The following COLGALT2 variants were observed in gnomAD, a reference collection of about 807,000 sequenced individuals.
The protein encoded by COLGALT2 is procollagen galactosyltransferase 2.
In COLGALT2, 49 loss-of-function variants were observed where a neutral mutation model predicts 73.4. That is an observed-to-expected ratio of 0.67 (90% CI 0.53 to 0.85). The LOEUF (loss-of-function observed/expected upper bound fraction) is 0.85, where lower values mean the gene tolerates loss of function less well. Among genes scored for constraint, COLGALT2 ranks in the 40% least tolerant of loss-of-function variants. The pLI is 0.00. For synonymous variants in COLGALT2, 295 were observed against 307.6 expected (o/e 0.96, Z 0.43); for missense variants, 722 against 790.2 (o/e 0.91, Z 1.03).
At chr1:183,941,809 C>A (rs78283206) in intron 10 of COLGALT2, among the ~76,000 whole-genome samples, 1 of 152,164 alleles carries the variant, frequency 6.6e-6, no homozygotes, top group East Asian at 1.9e-4. Context: ...AAACTCTTAT[C>A]GAGCACTTGA....
intron 7 of COLGALT2, among the ~76,000 whole-genome samples, chr1:183,951,898 G>A (rs1558312313): frequency 6.6e-6 from 1 of 152,152 alleles, no homozygotes; most frequent in African/African-American, 2.4e-5. Context: ...GCTGTCCTGA[G>A]CAAAAAGAAC....
At chr1:184,028,065 T>C (rs1013080346) in intron 1 of COLGALT2, among the ~76,000 whole-genome samples, 2 of 152,174 alleles carry the variant, frequency 1.3e-5, no homozygotes, top group Non-Finnish European at 2.9e-5. Flanking sequence ...CTTTCCACTA[T>C]CTTGGCGGGT....
At chr1:184,032,494 A>T (rs1649544535) in intron 1 of COLGALT2, among the ~76,000 whole-genome samples, 1 of 152,228 alleles carries the variant, frequency 6.6e-6, no homozygotes, top group Admixed American at 6.5e-5. Context: ...GCCCACAATC[A>T]CACAGAAGAT....
chr1:183,993,757 A>T (rs1428698485), intron 1 of COLGALT2, among the ~76,000 whole-genome samples: 5 of 152,162 alleles, frequency 3.3e-5, no homozygotes, highest in African/African-American at 1.2e-4. Context: ...CTAATTTTTC[A>T]ATTGCCTCTG....
chr1:184,023,576 A>T (rs146647277), intron 1 of COLGALT2, among the ~76,000 whole-genome samples: 13 of 145,862 alleles, frequency 8.9e-5, no homozygotes, highest in Non-Finnish European at 1.8e-4. Context: ...ACAAACACAC[A>T]TATCGTTTCC....
intron 2 of COLGALT2, among the ~76,000 whole-genome samples, chr1:183,977,812 A>AGAGAGAGAGAGAGAGAGAG (rs1553317022): frequency 3.4e-4 from 18 of 52,288 alleles, no homozygotes; most frequent in African/African-American, 6.9e-4. Context: ...GAAAGAGAGA[A>AGAGAGAGAGAGAGAGAGAG]AGAGAGAGAG....
intron 1 of COLGALT2, among the ~76,000 whole-genome samples, chr1:184,014,346 C>G (rs1202960969): frequency 6.6e-6 from 1 of 152,124 alleles, no homozygotes; most frequent in Non-Finnish European, 1.5e-5. Context: ...AAAAAGGAAA[C>G]TGGTCCACAT....
chr1:183,965,813 T>C (rs907461448), intron 5 of COLGALT2, among the ~76,000 whole-genome samples: 1 of 152,210 alleles, frequency 6.6e-6, no homozygotes, highest in Non-Finnish European at 1.5e-5. Flanking sequence ...AAACTAATCA[T>C]AGCCTATGAA....
chr1:183,966,799 A>G (rs1221018902), intron 5 of COLGALT2, among the ~76,000 whole-genome samples: 2 of 152,338 alleles, frequency 1.3e-5, no homozygotes, highest in African/African-American at 4.8e-5. Context: ...AGACGCGCCT[A>G]TGACCATATG....
intron 1 of COLGALT2, among the ~76,000 whole-genome samples, chr1:184,023,759 A>G (rs1033508964): frequency 6.6e-6 from 1 of 152,138 alleles, no homozygotes; most frequent in African/African-American, 2.4e-5. Flanking sequence ...TATGCTGCAA[A>G]TATTCCACTC....
chr1:184,015,908 C>T (rs185887553), intron 1 of COLGALT2, among the ~76,000 whole-genome samples: 7 of 152,330 alleles, frequency 4.6e-5, no homozygotes, highest in Admixed American at 3.3e-4. Context: ...ATTAGATATT[C>T]TAATTCACTG....
intron 1 of COLGALT2, among the ~76,000 whole-genome samples, chr1:183,980,348 GACAA>G (rs1235176275): frequency 3.9e-5 from 6 of 151,976 alleles, no homozygotes; most frequent in Middle Eastern, 3.4e-3. Context: ...ACCTACCTAA[GACAA>G]ACAAATATAA....
chr1:184,002,061 T>C (rs189080994), intron 1 of COLGALT2, among the ~76,000 whole-genome samples: 31 of 152,362 alleles, frequency 2.0e-4, no homozygotes, highest in Non-Finnish European at 1.5e-4. Flanking sequence ...TTTTGAAGAT[T>C]ATGATTTTTC....
Position 183,937,863 on chromosome 1 carries a change from G to A in COLGALT2, c.*898C>T, listed in dbSNP as rs560032925. The A allele has an allele frequency of 5.1e-5, 50 of 985,400 alleles. No homozygotes were observed. The highest frequency in any genetic ancestry group is 5.3e-5 in the Non-Finnish European group (44 of 829,928). 61.0% of individuals were successfully genotyped at this position (985,400 alleles called of 1,614,324 possible). A position where few individuals can be genotyped will look rare whatever the true frequency, so the allele number is the denominator to read the frequency against. On this transcript the variant is annotated 3_prime_UTR_variant, in exon 12 of 12. Transcript: ENST00000361927. ...AGTGACTCACAGAACTCACACCTGC[G>A]GTGGGTTCCCAGGCTAAGGGGTGGA...
exon 12 of COLGALT2, chr1:183,930,175 C>T (rs1036521614): frequency 3.3e-5 from 15 of 455,632 alleles, no homozygotes; most frequent in African/African-American, 8.0e-5. Flanking sequence ...TTGATGAACA[C>T]GACCACCTCT....
chr1:184,009,073 A>C (rs932390718), intron 1 of COLGALT2, among the ~76,000 whole-genome samples: 3 of 152,238 alleles, frequency 2.0e-5, no homozygotes, highest in African/African-American at 7.2e-5. Context: ...TTGTAGTACA[A>C]TTAAAGAGAA....
chr1:183,963,454 A>C (rs1009759796), intron 6 of COLGALT2, among the ~76,000 whole-genome samples: 1 of 152,214 alleles, frequency 6.6e-6, no homozygotes, highest in Non-Finnish European at 1.5e-5. Flanking sequence ...GCTATTATTA[A>C]GTTAAAGTCA....
chr1:183,961,115 T>C (rs1670687864), intron 6 of COLGALT2, among the ~76,000 whole-genome samples: 1 of 152,182 alleles, frequency 6.6e-6, no homozygotes. Flanking sequence ...ATTTTCTTAC[T>C]CCTATTGTGT....
At chr1:183,982,528 T>C (rs115728618) in intron 1 of COLGALT2, among the ~76,000 whole-genome samples, 114 of 152,310 alleles carry the variant, frequency 7.5e-4, no homozygotes, top group African/African-American at 2.5e-3. Flanking sequence ...CTTAAAACAT[T>C]ATGAAGAGGA....
Sources: allele counts gnomAD v4.1 joint callset (sites outside exome capture counted in the v4.1 genomes callset), GRCh38; gene constraint gnomAD v4.1.1; transcripts MANE v1.5; gene names NCBI Gene and HGNC (gene_info 2026-07-23, HGNC 2026-07-21).